Variants in PAX3 observed in about 807,000 individuals in gnomAD.
PAX3 encodes the protein paired box protein Pax-3.
In PAX3, 14 loss-of-function variants were observed where a neutral mutation model predicts 51.6. That is an observed-to-expected ratio of 0.27 (90% CI 0.18 to 0.42). The LOEUF (loss-of-function observed/expected upper bound fraction) is 0.42. Ranked by LOEUF, PAX3 falls within the 10% of genes least tolerant of loss-of-function variation. The pLI, the probability that PAX3 is intolerant of heterozygous loss-of-function variation, is 1.00. For missense variants in PAX3, 540 were observed against 642.8 expected (o/e 0.84, Z 1.73); for synonymous variants, 280 against 253.4 (o/e 1.11, Z -1.00).
At chr2:222,283,363 G>C (rs1312761355) in intron 4 of PAX3, among the ~76,000 whole-genome samples, 2 of 152,146 alleles carry the variant, frequency 1.3e-5, no homozygotes, top group Non-Finnish European at 1.5e-5. Flanking sequence ...TAATTACTTG[G>C]TTGGCATAGA....
At chr2:222,219,024 C>G (rs1457038417) in intron 7 of PAX3, among the ~76,000 whole-genome samples, 1 of 152,162 alleles carries the variant, frequency 6.6e-6, no homozygotes, top group East Asian at 1.9e-4. Context: ...AAGACACACA[C>G]CACAAGTTGA....
intron 6 of PAX3, among the ~76,000 whole-genome samples, 156 bp downstream of exon 6, chr2:222,221,064 CTA>C (rs1182619607): frequency 1.3e-5 from 2 of 152,242 alleles, no homozygotes; most frequent in Admixed American, 1.3e-4. Flanking sequence ...ATAGAACAAA[CTA>C]TGTTTCTGAA....
At chr2:222,288,146 C>G (rs1382737002) in intron 4 of PAX3, among the ~76,000 whole-genome samples, 1 of 152,156 alleles carries the variant, frequency 6.6e-6, no homozygotes, top group Non-Finnish European at 1.5e-5. Context: ...AAACAAAAGT[C>G]GGATAGTTCA....
chr2:222,203,044 T>TATATATATATATATATATAC (rs1559250419), intron 7 of PAX3, among the ~76,000 whole-genome samples: 1 of 123,502 alleles, frequency 8.1e-6, no homozygotes, highest in Non-Finnish European at 1.7e-5. Context: ...TATATATATA[T>TATATATATATATATATATAC]ATATATATAT....
intron 4 of PAX3, among the ~76,000 whole-genome samples, chr2:222,269,808 A>T (rs1399052978): frequency 6.6e-6 from 1 of 152,214 alleles, no homozygotes; most frequent in Non-Finnish European, 1.5e-5. Context: ...GCACAGAGGG[A>T]AAATGTGATG....
At position 222,254,161 on chromosome 2, in the gene PAX3, A is replaced by T. The variant is rs558008485; in HGVS notation, c.587-21878T>A. Among the ~76,000 whole-genome samples the T allele has an allele frequency of 1.1e-3, 168 of 152,264 alleles. 2 individuals are homozygous for T. In the South Asian group the frequency reaches 0.025, roughly 22 times the overall value. On this transcript the variant is annotated intron_variant, in intron 4 of 8. Coordinates refer to ENST00000392070, the MANE Select transcript of PAX3 (RefSeq NM_181458.4). ...TGCCTATTGCAAATTTTTTTTTTAA[A>T]AAAAAGTTTCACTTTAAGTATTCAA... is the stretch of plus-strand genomic sequence containing the variant.
chr2:222,267,235 G>A (rs925251025), intron 4 of PAX3, among the ~76,000 whole-genome samples: 2 of 152,092 alleles, frequency 1.3e-5, no homozygotes. Flanking sequence ...GAGACTAGAA[G>A]GACAAAAGTT....
intron 5 of PAX3, among the ~76,000 whole-genome samples, chr2:222,225,286 T>G (rs939904111): frequency 6.6e-6 from 1 of 152,178 alleles, no homozygotes; most frequent in Non-Finnish European, 1.5e-5. Context: ...AGTCCTTCCA[T>G]AAAGCCATAT....
rs574422040 is a variant in PAX3, at chr2:222,276,515, G to A, written c.586+17652C>T. On this transcript the variant is annotated intron_variant, in intron 4 of 8. Transcript: ENST00000392070. ...CCATGATTTCCTCAAGCGGCTGCCT[G>A]TACCTTCTACAAGTCTGCTGAGAGG... Among the ~76,000 whole-genome samples the A allele has an allele frequency of 2.1e-3, 313 of 152,288 alleles. 1 individual carries two copies. The highest frequency in any genetic ancestry group is 3.7e-3 in the Non-Finnish European group (252 of 68,010).
chr2:222,274,812 A>G (rs192522700), intron 4 of PAX3, among the ~76,000 whole-genome samples: 1 of 152,350 alleles, frequency 6.6e-6, no homozygotes, highest in Non-Finnish European at 1.5e-5. Context: ...CTGCCATTTT[A>G]AAAGCTATAC....
In PAX3 at chr2:222,250,124, T is replaced by C. The variant is rs1157929679; in HGVS notation, c.587-17841A>G. On this transcript the variant is annotated intron_variant, in intron 4 of 8. Coordinates refer to ENST00000392070, the MANE Select transcript of PAX3 (RefSeq NM_181458.4). ...CTTTATCACAGGTAGGGGGATCTTA[T>C]GAGCGTGATTGCACCCTTCCCATCA... 2.0e-5 allele frequency among the ~76,000 whole-genome samples: 3 copies of C among 152,182 alleles called. No individual in the cohort carries two copies. The East Asian group carries it at 5.8e-4, about 29-fold the overall frequency.
At chr2:222,291,970 GTGTGTGTGTGT>G (rs1695057865) in intron 4 of PAX3, among the ~76,000 whole-genome samples, 1 of 7,640 alleles carries the variant, frequency 1.3e-4, no homozygotes, top group African/African-American at 4.9e-4. Context: ...AGCCTCCAAG[GTGTGTGTGTGT>G]GTGTGTGTGT....
rs557267410 is a variant in PAX3, at chr2:222,262,331, A to G, written c.587-30048T>C. On this transcript the variant is annotated intron_variant, in intron 4 of 8. Transcript: ENST00000392070. ...ACCATGACCATTCTTTTTAAAAACA[A>G]CAAAACAAATAAACAAAAAAAAGCA... is the stretch of plus-strand genomic sequence containing the variant. 8.4e-4 allele frequency among the ~76,000 whole-genome samples: 128 copies of G among 152,302 alleles called. No individual in the cohort carries two copies. In the South Asian group the frequency reaches 0.018, roughly 22 times the overall value.
chr2:222,279,434 C>T (rs1574738358), intron 4 of PAX3, among the ~76,000 whole-genome samples: 1 of 152,236 alleles, frequency 6.6e-6, no homozygotes, highest in East Asian at 1.9e-4. Flanking sequence ...CTCTTTTCAC[C>T]TAAGGTCAGC....
intron 4 of PAX3, among the ~76,000 whole-genome samples, chr2:222,283,045 A>C (rs934693691): frequency 4.6e-5 from 7 of 152,244 alleles, no homozygotes; most frequent in Non-Finnish European, 1.0e-4. Flanking sequence ...AATTCCACCA[A>C]AGCTACCAGA....
At chr2:222,210,648 T>C (rs942272936) in intron 7 of PAX3, among the ~76,000 whole-genome samples, 1 of 152,164 alleles carries the variant, frequency 6.6e-6, no homozygotes, top group Non-Finnish European at 1.5e-5. Context: ...TAAATTGATC[T>C]TAGTACATTA....
chr2:222,202,199 A>T lies in PAX3; in HGVS notation c.1174-9T>A. ...GTCAGGAGTCCCATTACCTAAAAAA[A>T]CAGCCAGATTGGGAAGAGGTTAAAA... On this transcript the variant is annotated splice_polypyrimidine_tract_variant and intron_variant, in intron 7 of 8. Transcript: ENST00000392070. 6.4e-7 allele frequency: 1 copy of T among 1,571,112 alleles called. No individual in the cohort carries two copies. Among genetic ancestry groups the T allele is most frequent in the South Asian group, 1.1e-5 (1 of 87,202 alleles).
At position 222,201,117 on chromosome 2, in the gene PAX3, G is replaced by C; in HGVS notation, c.*291C>G. 1 of 1,573,228 alleles carries C rather than the reference G, an allele frequency of 6.4e-7. No homozygotes were observed. The highest frequency in any genetic ancestry group is 8.7e-7 in the Non-Finnish European group (1 of 1,144,026). ...CTCGATGATCAGCACTAAAGAATTGGGATGTTTTGATATGTAACCATGTGA... is the reference window on the plus strand; with the variant it reads ...CTCGATGATCAGCACTAAAGAATTGCGATGTTTTGATATGTAACCATGTGA... On this transcript the variant is annotated 3_prime_UTR_variant, in exon 9 of 9. Transcript: ENST00000392070.
intron 4 of PAX3, among the ~76,000 whole-genome samples, chr2:222,255,103 G>A (rs1422670721): frequency 1.3e-5 from 2 of 152,136 alleles, no homozygotes; most frequent in Non-Finnish European, 2.9e-5. Flanking sequence ...TTTTAACTCA[G>A]GAAGTTGGCA....
Sources: allele counts gnomAD v4.1 joint callset (sites outside exome capture counted in the v4.1 genomes callset), GRCh38; gene constraint gnomAD v4.1.1; transcripts MANE v1.5; gene names NCBI Gene and HGNC (gene_info 2026-07-23, HGNC 2026-07-21).